USH2A: variants seen among roughly 807,000 people sequenced by gnomAD.
The protein encoded by USH2A is Usher syndrome 2A (autosomal recessive, mild).
In USH2A, 443 loss-of-function variants were observed where a neutral mutation model predicts 538.9. The ratio of observed to expected loss-of-function variants is 0.82; its 90% CI spans 0.76 to 0.89. The LOEUF (loss-of-function observed/expected upper bound fraction) is 0.89, where lower values mean the gene tolerates loss of function less well. Among genes scored for constraint, USH2A ranks in the 40% least tolerant of loss-of-function variants. The pLI is 0.00. For missense variants in USH2A, 6,633 were observed against 6,324.8 expected, an observed-to-expected ratio of 1.05 and a Z score of -1.65; for synonymous variants, 2,413 against 2,273.5, an observed-to-expected ratio of 1.06 and a Z score of -1.75.
chr1:216,097,705 C>G (rs533699244), intron 21 of USH2A, among the ~76,000 whole-genome samples: 22 of 152,284 alleles, frequency 1.4e-4, no homozygotes, highest in African/African-American at 5.3e-4. Flanking sequence ...CACCCTATAA[C>G]CAAATGGTTT....
intron 19 of USH2A, among the ~76,000 whole-genome samples, chr1:216,192,525 C>G (rs1021995998): frequency 1.3e-5 from 2 of 151,466 alleles, no homozygotes; most frequent in Non-Finnish European, 2.9e-5. Flanking sequence ...AACCCTGTCT[C>G]TACTAAAAAT....
At chr1:216,107,446 A>T (rs1216820026) in intron 21 of USH2A, among the ~76,000 whole-genome samples, 2 of 151,870 alleles carry the variant, frequency 1.3e-5, no homozygotes, top group East Asian at 1.9e-4. Context: ...CCATTTTCTT[A>T]TGATAAATGT....
Position 215,811,237 on chromosome 1 carries a change from G to T in USH2A, c.9739+2499C>A, listed in dbSNP as rs115135688. ...TGAAACAAACTTGCTCCTTGCTTGG[G>T]GGGCAGAGCACCTTTATAAAATTAA... On this transcript the variant is annotated intron_variant, in intron 49 of 71. Transcript: ENST00000307340. 6.1e-3 allele frequency among the ~76,000 whole-genome samples: 936 copies of T among 152,274 alleles called. 7 individuals carry two copies. Among genetic ancestry groups the T allele is most frequent in the African/African-American group, 0.021 (888 of 41,548 alleles).
chr1:216,112,648 G>T (rs1181169522), intron 21 of USH2A, among the ~76,000 whole-genome samples: 2 of 151,928 alleles, frequency 1.3e-5, no homozygotes, highest in Non-Finnish European at 2.9e-5. Flanking sequence ...AGTGTCTGTT[G>T]TTCCTTTGTG....
At chr1:215,646,012 C>T (rs752086778) in intron 67 of USH2A, among the ~76,000 whole-genome samples, 4 of 150,954 alleles carry the variant, frequency 2.6e-5, no homozygotes, top group Non-Finnish European at 2.9e-5. Flanking sequence ...TTTAATGCCA[C>T]GGGAAATGCA....
At chr1:215,732,467 G>A (rs928131716) in intron 60 of USH2A, among the ~76,000 whole-genome samples, 23 of 149,934 alleles carry the variant, frequency 1.5e-4, no homozygotes, top group African/African-American at 4.9e-4. Context: ...TATATTTCAC[G>A]GTTCCATGGC....
Position 216,325,379 on chromosome 1 carries a change from T to G in USH2A, c.1069A>C (p.Asn357His), listed in dbSNP as rs144560419. The G allele has an allele frequency of 2.5e-6, 4 of 1,613,810 alleles. No individual in the cohort carries two copies. The highest frequency in any genetic ancestry group is 1.6e-4 in the Middle Eastern group (1 of 6,080). ...DNDVGTSWVS[N>H]VFTNITQLNQ... is the part of the protein sequence containing the mutation. ...AGCTGTGTAATGTTTGTAAACACAT[T>G]TGAAACCCATGAAGTACCAACATCA... is the stretch of plus-strand genomic sequence containing the variant. Residue 357 changes from asparagine (N) to histidine (H), a missense_variant, in exon 6 of 72, where the codon AAT (asparagine) becomes CAT (histidine). Asn to His is a moderately conservative substitution (Grantham distance 68, BLOSUM62 1). Coordinates refer to ENST00000307340, the MANE Select transcript of USH2A (RefSeq NM_206933.4).
At chr1:215,808,805 A>C (rs1311729696) in intron 49 of USH2A, among the ~76,000 whole-genome samples, 1 of 152,060 alleles carries the variant, frequency 6.6e-6, no homozygotes, top group Non-Finnish European at 1.5e-5. Flanking sequence ...TTACTCACTT[A>C]GGGACATTTG....
At chr1:215,632,828 C>G (rs372582276) in intron 70 of USH2A, among the ~76,000 whole-genome samples, 14 of 152,294 alleles carry the variant, frequency 9.2e-5, no homozygotes, top group African/African-American at 3.1e-4. Context: ...TTTGAAATAT[C>G]TGCTCTTCAG....
At chr1:216,196,904 C>A (rs1369662924) in intron 18 of USH2A, among the ~76,000 whole-genome samples, 182 bp from the exon 19 acceptor site, 1 of 152,104 alleles carries the variant, frequency 6.6e-6, no homozygotes, top group Admixed American at 6.6e-5. Flanking sequence ...AAAATGTTAT[C>A]TGAAAGTATA....
intron 37 of USH2A, among the ~76,000 whole-genome samples, chr1:215,939,894 A>C (rs560350318): frequency 9.9e-5 from 15 of 152,208 alleles, no homozygotes; most frequent in African/African-American, 3.1e-4. Flanking sequence ...ATGAACAACC[A>C]ATCAGAATAC....
At chr1:216,238,613 T>G (rs2035875318) in intron 13 of USH2A, among the ~76,000 whole-genome samples, 2 of 152,250 alleles carry the variant, frequency 1.3e-5, no homozygotes, top group African/African-American at 4.8e-5. Context: ...ATGTACCTTC[T>G]AATGTGCACT....
At chr1:215,917,697 A>G (rs1179059829) in intron 38 of USH2A, among the ~76,000 whole-genome samples, 1 of 139,986 alleles carries the variant, frequency 7.1e-6, no homozygotes, top group Non-Finnish European at 1.5e-5. Flanking sequence ...TAATCCCAGT[A>G]TTTTGGGAGG....
At chr1:216,338,516 G>A (rs1016929684) in intron 4 of USH2A, among the ~76,000 whole-genome samples, 1 of 151,426 alleles carries the variant, frequency 6.6e-6, no homozygotes, top group African/African-American at 2.4e-5. Flanking sequence ...TCTTAAGTAA[G>A]ATATAAAACT....
At chr1:215,999,357 A>G (rs959397193) in intron 33 of USH2A, among the ~76,000 whole-genome samples, 4 of 152,174 alleles carry the variant, frequency 2.6e-5, no homozygotes, top group African/African-American at 7.2e-5. Flanking sequence ...AAAACTTCAG[A>G]AGCAGAACTT....
At chr1:216,374,379 T>C (rs2038777987) in intron 3 of USH2A, among the ~76,000 whole-genome samples, 1 of 152,100 alleles carries the variant, frequency 6.6e-6, no homozygotes, top group Non-Finnish European at 1.5e-5. Context: ...AGATTGCCTC[T>C]CAATTTGGGT....
At chr1:215,638,618 CA>C (rs373591243) in intron 69 of USH2A, among the ~76,000 whole-genome samples, 2,651 of 87,504 alleles carry the variant, frequency 0.03, 67 homozygotes, top group African/African-American at 0.11. Flanking sequence ...GACTCTGTCT[CA>C]AAAAAAAAAA....
Position 216,251,100 on chromosome 1 carries a change from T to G in USH2A, c.1972-2A>C. 6.2e-7 allele frequency: 1 copy of G among 1,613,884 alleles called. No individual in the cohort carries two copies. The highest frequency in any genetic ancestry group is 1.1e-5 in the South Asian group (1 of 91,070). On this transcript the variant is annotated splice_acceptor_variant, in intron 11 of 71. Coordinates refer to ENST00000307340, the MANE Select transcript of USH2A (RefSeq NM_206933.4). LOFTEE classifies it high-confidence loss of function. ...CTTACAATTACACTGTCCTCCAATC[T>G]AGAGAAGATACAACATTTTGTAGAA...
chr1:216,310,934 T>C (rs2037409575), intron 9 of USH2A, among the ~76,000 whole-genome samples: 1 of 152,198 alleles, frequency 6.6e-6, no homozygotes, highest in Non-Finnish European at 1.5e-5. Context: ...AATTGCTTCC[T>C]CTAGGGAGCT....
Sources: allele counts gnomAD v4.1 joint callset (sites outside exome capture counted in the v4.1 genomes callset), GRCh38; gene constraint gnomAD v4.1.1; transcripts MANE v1.5; gene names NCBI Gene and HGNC (gene_info 2026-07-23, HGNC 2026-07-21).